NCKAP5: variants seen among roughly 807,000 people sequenced by gnomAD.
NCKAP5 encodes NCK associated protein 5, also known as nck-associated protein 5.
NCKAP5 carries 92 observed loss-of-function variants against 167.0 expected under a neutral mutation model. The ratio of observed to expected loss-of-function variants is 0.55; its 90% CI spans 0.47 to 0.66. The LOEUF is 0.66. Ranked by LOEUF, NCKAP5 falls within the 30% of genes least tolerant of loss-of-function variation. The pLI, the probability that NCKAP5 is intolerant of heterozygous loss-of-function variation, is 0.00. For missense variants in NCKAP5, 2,378 were observed against 2,315.0 expected (o/e 1.03, Z -0.56); for synonymous variants, 891 against 877.4 (o/e 1.02, Z -0.27).
intron 9 of NCKAP5, among the ~76,000 whole-genome samples, 192 bp downstream of exon 9, chr2:132,878,650 ACACACG>A (rs1173691125): frequency 3.0e-4 from 14 of 46,878 alleles, no homozygotes; most frequent in African/African-American, 1.0e-3. Flanking sequence ...ACACACACAC[ACACACG>A]CACGCATACA....
intron 5 of NCKAP5, among the ~76,000 whole-genome samples, chr2:133,182,403 A>G (rs766687811): frequency 6.6e-6 from 1 of 152,236 alleles, no homozygotes; most frequent in African/African-American, 2.4e-5. Flanking sequence ...CTCAGCAAAT[A>G]TTAAAAATTT....
At chr2:133,323,530 G>A (rs1309545887) in intron 3 of NCKAP5, among the ~76,000 whole-genome samples, 5 of 152,152 alleles carry the variant, frequency 3.3e-5, no homozygotes, top group East Asian at 1.9e-4. Context: ...GATTATATGC[G>A]AACTATATGA....
At chr2:132,892,330 T>A (rs934298168) in intron 8 of NCKAP5, among the ~76,000 whole-genome samples, 7 of 152,230 alleles carry the variant, frequency 4.6e-5, no homozygotes, top group Admixed American at 2.6e-4. Context: ...GAGCTCAAGA[T>A]ACAACACGTA....
intron 8 of NCKAP5, among the ~76,000 whole-genome samples, chr2:132,960,411 A>G (rs907454634): frequency 2.0e-5 from 3 of 152,164 alleles, no homozygotes; most frequent in Non-Finnish European, 2.9e-5. Flanking sequence ...GAGAAAGGCT[A>G]CTGCGAAACG....
chr2:132,994,855 G>T (rs2077547938), intron 6 of NCKAP5, among the ~76,000 whole-genome samples: 3 of 152,182 alleles, frequency 2.0e-5, no homozygotes. Context: ...AGGCTATATT[G>T]TATTACCTAT....
Position 132,782,570 on chromosome 2 carries a change from C to A in NCKAP5, c.4241G>T (p.Cys1414Phe). 6.3e-7 allele frequency: 1 copy of A among 1,583,042 alleles called. No homozygotes were observed. Reference protein sequence around the residue: ...LGEPGSDRRSCPPTPTDCPEA... With the variant: ...LGEPGSDRRSFPPTPTDCPEA... ...AGGGCAGTCTGTTGGGGTGGGTGGG[C>A]AACTGCGGCGGTCACTGCCTGGTTC... The change falls in exon 14 of 20, where the codon TGC becomes TTC. Residue 1414 changes from cysteine (C) to phenylalanine (F), a missense_variant. Coordinates refer to ENST00000409261, the MANE Select transcript of NCKAP5 (RefSeq NM_207363.3).
intron 8 of NCKAP5, among the ~76,000 whole-genome samples, chr2:132,885,405 G>T (rs1163078849): frequency 6.6e-6 from 1 of 152,142 alleles, no homozygotes; most frequent in Non-Finnish European, 1.5e-5. Context: ...ATGCCCAGAG[G>T]ATGCAGTTAG....
chr2:132,920,777 A>G (rs897843546), intron 8 of NCKAP5, among the ~76,000 whole-genome samples: 750 of 13,818 alleles, frequency 0.054, 66 homozygotes, highest in Admixed American at 0.09. Flanking sequence ...GTATGTATAT[A>G]TATATATATA....
chr2:133,467,797 T>A (rs1182680855), intron 3 of NCKAP5, among the ~76,000 whole-genome samples: 1 of 140,054 alleles, frequency 7.1e-6, no homozygotes, highest in Non-Finnish European at 1.5e-5. Flanking sequence ...TTTATTTGCG[T>A]AGAGGTGTTT....
chr2:133,619,192 T>G, the NCKAP5 span, among the ~76,000 whole-genome samples: 1 of 139,698 alleles, frequency 7.2e-6, no homozygotes. Flanking sequence ...CATTGGGAGA[T>G]ATACCTAATG....
chr2:133,057,189 A>C (rs1289172365), intron 6 of NCKAP5, among the ~76,000 whole-genome samples: 1 of 152,026 alleles, frequency 6.6e-6, no homozygotes, highest in Admixed American at 6.6e-5. Flanking sequence ...TGATTCCCCT[A>C]TCTCTCTCTC....
At chr2:133,213,885 G>A (rs2086314548) in intron 4 of NCKAP5, 106 bp from the exon 5 acceptor site, 1 of 1,027,670 alleles carries the variant, frequency 9.7e-7, no homozygotes, top group South Asian at 1.4e-5. Flanking sequence ...TTCCTTCCTT[G>A]GTTTAGCTCA....
intron 3 of NCKAP5, among the ~76,000 whole-genome samples, chr2:133,399,814 A>G (rs1053400619): frequency 6.6e-6 from 1 of 152,172 alleles, no homozygotes; most frequent in Admixed American, 6.5e-5. Flanking sequence ...TATGGGTCTC[A>G]GTAGTTCTCC....
At chr2:133,054,595 T>C (rs983909277) in intron 6 of NCKAP5, among the ~76,000 whole-genome samples, 6 of 152,256 alleles carry the variant, frequency 3.9e-5, no homozygotes, top group African/African-American at 1.4e-4. Context: ...TGGAGTGAAG[T>C]CACAACTAGG....
intron 8 of NCKAP5, among the ~76,000 whole-genome samples, chr2:132,880,512 C>T (rs1272221886): frequency 6.6e-6 from 1 of 152,080 alleles, no homozygotes; most frequent in Non-Finnish European, 1.5e-5. Flanking sequence ...CACCTGTAAT[C>T]CCAGCTATTC....
At chr2:133,287,708 A>C (rs1416735175) in intron 4 of NCKAP5, among the ~76,000 whole-genome samples, 1 of 152,208 alleles carries the variant, frequency 6.6e-6, no homozygotes, top group South Asian at 2.1e-4. Flanking sequence ...ATGTATACTT[A>C]TATGAAATAG....
At chr2:133,649,336 C>T in the NCKAP5 span, among the ~76,000 whole-genome samples, 1 of 151,498 alleles carries the variant, frequency 6.6e-6, no homozygotes, top group Non-Finnish European at 1.5e-5. Context: ...CTTTCTCAAA[C>T]TCTTTCAAAA....
intron 3 of NCKAP5, among the ~76,000 whole-genome samples, chr2:133,490,347 A>T (rs1681332627): frequency 6.6e-6 from 1 of 152,166 alleles, no homozygotes; most frequent in Admixed American, 6.5e-5. Flanking sequence ...TTCCCAGGTG[A>T]TTCCAAAGCT....
chr2:132,830,728 T>C (rs1207281679), intron 11 of NCKAP5, among the ~76,000 whole-genome samples: 1 of 152,218 alleles, frequency 6.6e-6, no homozygotes, highest in African/African-American at 2.4e-5. Flanking sequence ...AGTTGTTAAA[T>C]GTTAGAACAA....
Sources: gnomAD v4.1 joint callset for allele counts (sites outside exome capture counted in the v4.1 genomes callset) on GRCh38, gnomAD v4.1.1 for gene constraint, MANE v1.5 for transcripts, NCBI Gene and HGNC (gene_info 2026-07-23, HGNC 2026-07-21) for gene names.